Variants in RBFOX1 observed in about 807,000 individuals in gnomAD.
RBFOX1 encodes RNA binding fox-1 homolog 1, also known as RNA binding protein fox-1 homolog 1.
RBFOX1 carries 8 observed loss-of-function variants against 57.7 expected under a neutral mutation model. The ratio of observed to expected loss-of-function variants is 0.14; its 90% CI spans 0.08 to 0.25. The LOEUF (loss-of-function observed/expected upper bound fraction) is 0.25. Ranked by LOEUF, RBFOX1 falls within the 10% of genes least tolerant of loss-of-function variation. The pLI, the probability that RBFOX1 is intolerant of heterozygous loss-of-function variation, is 1.00. For synonymous variants in RBFOX1, 326 were observed against 222.4 expected (o/e 1.47, Z -4.15); for missense variants, 611 against 548.5 (o/e 1.11, Z -1.14).
At chr16:7,103,900 G>T (rs1207861487) in intron 4 of RBFOX1, among the ~76,000 whole-genome samples, 2 of 152,126 alleles carry the variant, frequency 1.3e-5, no homozygotes, top group African/African-American at 2.4e-5. Flanking sequence ...AGATGTTTCT[G>T]TTGTTTAGCT....
chr16:5,541,061 G>C (rs1253933820), intron 2 of RBFOX1, among the ~76,000 whole-genome samples: 1 of 152,024 alleles, frequency 6.6e-6, no homozygotes, highest in Admixed American at 6.6e-5. Flanking sequence ...TGTTGGCCGG[G>C]CTGATCTCGA....
upstream of RBFOX1, among the ~76,000 whole-genome samples, chr16:6,018,148 A>G (rs76118057): frequency 0.081 from 12,114 of 150,130 alleles, 571 homozygotes; most frequent in African/African-American, 0.13. Context: ...ATATTTGTGG[A>G]AAAAAGAGGA....
intron 3 of RBFOX1, among the ~76,000 whole-genome samples, chr16:6,667,520 A>G (rs17722628): frequency 0.22 from 33,020 of 151,906 alleles, 3,769 homozygotes; most frequent in East Asian, 0.28. Flanking sequence ...TGGGGTCACT[A>G]TGGGACTCAA....
intron 3 of RBFOX1, among the ~76,000 whole-genome samples, chr16:5,628,627 C>G (rs889656235): frequency 6.6e-6 from 1 of 152,130 alleles, no homozygotes; most frequent in East Asian, 1.9e-4. Flanking sequence ...GCGAAGATAC[C>G]CCAAGAACCC....
At chr16:6,709,678 G>T (rs2063383525) in intron 3 of RBFOX1, among the ~76,000 whole-genome samples, 1 of 152,090 alleles carries the variant, frequency 6.6e-6, no homozygotes, top group Non-Finnish European at 1.5e-5. Flanking sequence ...AGCCAGTGGT[G>T]CTGAAGGGTT....
chr16:5,604,647 T>A (rs190290560), downstream of RBFOX1, among the ~76,000 whole-genome samples: 391 of 152,336 alleles, frequency 2.6e-3, 1 homozygote, highest in African/African-American at 8.9e-3. Context: ...CCTGCCTACA[T>A]GCTACTGATC....
chr16:6,929,878 T>C (rs921926898), intron 3 of RBFOX1, among the ~76,000 whole-genome samples: 1 of 152,166 alleles, frequency 6.6e-6, no homozygotes, highest in Non-Finnish European at 1.5e-5. Context: ...TAAAAAACAC[T>C]GCTTTAGCCC....
At chr16:7,367,193 G>A (rs2097469135) in intron 4 of RBFOX1, among the ~76,000 whole-genome samples, 1 of 152,170 alleles carries the variant, frequency 6.6e-6, no homozygotes, top group Non-Finnish European at 1.5e-5. Context: ...GGGAATGGCT[G>A]AGGCCCCCAC....
chr16:7,112,542 G>A (rs1333543494), intron 4 of RBFOX1, among the ~76,000 whole-genome samples: 11 of 152,004 alleles, frequency 7.2e-5, no homozygotes, highest in Non-Finnish European at 1.6e-4. Context: ...TGTCCATCAA[G>A]TCAGAACCTT....
At chr16:6,623,695 T>G (rs2098267018) in intron 2 of RBFOX1, among the ~76,000 whole-genome samples, 1 of 151,732 alleles carries the variant, frequency 6.6e-6, no homozygotes, top group Non-Finnish European at 1.5e-5. Flanking sequence ...ACATGCGGTG[T>G]TTGGTTTTTT....
At chr16:7,017,198 G>C (rs908919816) in intron 3 of RBFOX1, among the ~76,000 whole-genome samples, 1 of 152,110 alleles carries the variant, frequency 6.6e-6, no homozygotes, top group African/African-American at 2.4e-5. Context: ...TTCAAGTGTT[G>C]GCGAAGTTTC....
rs542732829 is a variant in RBFOX1 at position 5,769,231 on chromosome 16, C to T, written c.319-98072C>T. ...AAAATTCATACGGTGAAGTCCTAAC[C>T]CCAGCTACCTTAGCACGTGACCTTA... On this transcript the variant is annotated intron_variant, in intron 3 of 19. Coordinates refer to the RBFOX1 transcript ENST00000641259. 2.6e-5 allele frequency among the ~76,000 whole-genome samples: 4 copies of T among 152,134 alleles called. No homozygotes were observed. The South Asian group carries it at 8.3e-4, about 32-fold the overall frequency.
chr16:6,544,753 A>G (rs1400340070), intron 2 of RBFOX1, among the ~76,000 whole-genome samples: 1 of 152,184 alleles, frequency 6.6e-6, no homozygotes, highest in South Asian at 2.1e-4. Flanking sequence ...TGGAGATGAT[A>G]ACACTCCTCT....
At chr16:6,418,169 G>C (rs2093676933) in intron 2 of RBFOX1, among the ~76,000 whole-genome samples, 1 of 152,210 alleles carries the variant, frequency 6.6e-6, no homozygotes, top group South Asian at 2.1e-4. Context: ...TCATGAGGGA[G>C]GCACTTATAT....
intron 1 of RBFOX1, among the ~76,000 whole-genome samples, chr16:6,076,329 C>G (rs80114818): frequency 0.02 from 2,941 of 150,616 alleles, 110 homozygotes; most frequent in African/African-American, 0.068. Flanking sequence ...CGCACAAACA[C>G]ACGCGCACAC....
chr16:6,186,821 G>C (rs2097108415), intron 1 of RBFOX1, among the ~76,000 whole-genome samples: 1 of 152,116 alleles, frequency 6.6e-6, no homozygotes, highest in Non-Finnish European at 1.5e-5. Flanking sequence ...TCCTCCATGT[G>C]GGCAGTATTG....
intron 1 of RBFOX1, among the ~76,000 whole-genome samples, chr16:6,102,704 T>C (rs1389072211): frequency 1.3e-5 from 2 of 152,214 alleles, no homozygotes; most frequent in Non-Finnish European, 2.9e-5. Flanking sequence ...ATTGAATCAT[T>C]TTCGCCTCGA....
At chr16:6,797,342 A>G (rs2084307238) in intron 3 of RBFOX1, among the ~76,000 whole-genome samples, 1 of 152,164 alleles carries the variant, frequency 6.6e-6, no homozygotes, top group Non-Finnish European at 1.5e-5. Flanking sequence ...GGCAAAGGTG[A>G]AAATCATTAT....
intron 4 of RBFOX1, among the ~76,000 whole-genome samples, chr16:7,313,946 A>G (rs899812988): frequency 6.6e-5 from 10 of 152,196 alleles, no homozygotes; most frequent in South Asian, 2.1e-4. Context: ...AATAGCTCCA[A>G]TTGATGGAGT....
Sources: allele counts gnomAD v4.1 joint callset (sites outside exome capture counted in the v4.1 genomes callset), GRCh38; gene constraint gnomAD v4.1.1; transcripts MANE v1.5; gene names NCBI Gene and HGNC (gene_info 2026-07-23, HGNC 2026-07-21).